Variants in ZNF625 observed in about 807,000 individuals in gnomAD.
ZNF625 encodes zinc finger protein 625.
Under a neutral mutation model 11.1 loss-of-function variants are expected in ZNF625, and 8 were observed. That is an observed-to-expected ratio of 0.72 (90% CI 0.42 to 1.30). The LOEUF (loss-of-function observed/expected upper bound fraction) is 1.30, where lower values mean the gene tolerates loss of function less well. Ranked by LOEUF, ZNF625 falls within the 50% of genes most tolerant of loss-of-function variation. The pLI, the probability that ZNF625 is intolerant of heterozygous loss-of-function variation, is 0.01. For missense variants in ZNF625, 349 were observed against 447.6 expected (o/e 0.78, Z 1.99); for synonymous variants, 145 against 153.4 (o/e 0.95, Z 0.41).
intron 1 of ZNF625, 95 bp from the exon 2 acceptor site, chr19:12,147,897 C>A (rs1327858884): frequency 2.8e-6 from 4 of 1,436,212 alleles, no homozygotes; most frequent in Non-Finnish European, 3.7e-6. Flanking sequence ...GTGCTATGGA[C>A]TCCAAACATT....
chr19:12,147,368 T>C, intron 3 of ZNF625, 27 bp downstream of exon 3: 1 of 1,475,692 alleles, frequency 6.8e-7, no homozygotes, highest in Non-Finnish European at 9.1e-7. Context: ...TAGAGAGACA[T>C]CACTTTCTCT....
intron 1 of ZNF625, among the ~76,000 whole-genome samples, chr19:12,148,136 C>T (rs996735239): frequency 2.0e-5 from 3 of 152,128 alleles, no homozygotes; most frequent in Non-Finnish European, 2.9e-5. Context: ...CCTGCCACCA[C>T]GCACAACTAA....
intron 1 of ZNF625, among the ~76,000 whole-genome samples, chr19:12,155,598 C>A (rs1370596742): frequency 6.6e-6 from 1 of 152,280 alleles, no homozygotes; most frequent in East Asian, 1.9e-4. Flanking sequence ...AACCAAACTG[C>A]CATCGAACCT....
chr19:12,150,277 A>G (rs1976936797), intron 1 of ZNF625, among the ~76,000 whole-genome samples: 1 of 152,120 alleles, frequency 6.6e-6, no homozygotes. Context: ...CAGAAATGTA[A>G]GGATTTGTTG....
chr19:12,147,723 A>C lies in ZNF625; in HGVS notation c.83T>G (p.Leu28Arg). The C allele has an allele frequency of 6.2e-7, 1 of 1,614,104 alleles. No individual in the cohort carries two copies. Among genetic ancestry groups the C allele is most frequent in the Non-Finnish European group, 8.5e-7 (1 of 1,180,016 alleles). Residue 28 changes from leucine to arginine, a missense_variant, in exon 2 of 4, where the codon CTC becomes CGC. Coordinates refer to ENST00000439556, the MANE Select transcript of ZNF625 (RefSeq NM_145233.4). The stretch of plus-strand genomic sequence containing the variant: ...GGTTTCCTGCATCACATCTCTGTAG[A>C]GATTCTTCTGGGAAGGATCCAGCAA... Reference protein sequence around the residue: ...WALLDPSQKNLYRDVMQETFR... With the variant: ...WALLDPSQKNRYRDVMQETFR...
chr19:12,145,790 T>C lies in ZNF625; in HGVS notation c.626A>G (p.His209Arg), dbSNP rs1259615573. ...ALMCLSLYLI[H>R]KRTHTGEKPY... The stretch of plus-strand genomic sequence containing the variant: ...TTTCTCTCCAGTGTGAGTTCGTTTG[T>C]GGATAAGATACAAACTGAGACACAT... Residue 209 changes from histidine (H) to arginine (R), a missense_variant, in exon 4 of 4, where the codon CAC becomes CGC. Coordinates refer to ENST00000439556, the MANE Select transcript of ZNF625 (RefSeq NM_145233.4). 6.2e-7 allele frequency: 1 copy of C among 1,614,248 alleles called. No homozygotes were observed. The highest frequency in any genetic ancestry group is 1.7e-5 in the Admixed American group (1 of 60,026).
At position 12,156,539 on chromosome 19, in the gene ZNF625, CG is replaced by C. The variant is rs1568392205; in HGVS notation, c.3+16del. ...GGCCCCTCCCCCGTCTCGGGACCCCCGGCCCCGCACACTCACCATTTCCCGG... is the reference window on the plus strand; with the variant it reads ...GGCCCCTCCCCCGTCTCGGGACCCCCGCCCCGCACACTCACCATTTCCCGG... On this transcript the variant is annotated intron_variant, in intron 1 of 3. Transcript: ENST00000439556. The C allele has an allele frequency of 7.0e-7, 1 of 1,427,102 alleles. No homozygotes were observed. The highest frequency in any genetic ancestry group is 1.6e-5 in the South Asian group (1 of 63,008). 88.4% of individuals were successfully genotyped at this position (1,427,102 alleles called of 1,614,324 possible). A position where few individuals can be genotyped will look rare whatever the true frequency, so the allele number is the denominator to read the frequency against.
intron 1 of ZNF625, among the ~76,000 whole-genome samples, chr19:12,152,270 C>A (rs1438889973): frequency 2.0e-5 from 3 of 151,916 alleles, no homozygotes; most frequent in African/African-American, 7.3e-5. Flanking sequence ...ACACTATATC[C>A]TGTACTAGAT....
rs199624451 is a variant in ZNF625, at chr19:12,146,059, G to A, written c.357C>T (p.Asp119=). Residue 119 remains aspartate (D), a synonymous_variant, in exon 4 of 4, where the codon GAC becomes GAT. Coordinates refer to ENST00000439556, the MANE Select transcript of ZNF625 (RefSeq NM_145233.4). Reference sequence around the variant, plus strand: ...GATACTCATATGGCTTGTGTCCAGTGTCAGCTCTGTGGTGCCTATTAAGGG... The same window carrying A: ...GATACTCATATGGCTTGTGTCCAGTATCAGCTCTGTGGTGCCTATTAAGGG... ...HASLNRHHRA[D]TGHKPYEYQE... 1.2e-6 allele frequency: 2 copies of A among 1,614,136 alleles called. No homozygotes were observed. The highest frequency in any genetic ancestry group is 1.7e-6 in the Non-Finnish European group (2 of 1,180,030).
At chr19:12,148,199 C>T (rs1352210234) in intron 1 of ZNF625, among the ~76,000 whole-genome samples, 1 of 152,112 alleles carries the variant, frequency 6.6e-6, no homozygotes, top group Non-Finnish European at 1.5e-5. Context: ...AGACTGGTCT[C>T]CAACTCCTGA....
chr19:12,147,925 A>G, intron 1 of ZNF625, 123 bp from the exon 2 acceptor site: 2 of 1,244,622 alleles, frequency 1.6e-6, no homozygotes, highest in Non-Finnish European at 1.1e-6. Context: ...TGATCTGGTC[A>G]TCAGACTTTT....
At chr19:12,149,279 G>T (rs960439663) in intron 1 of ZNF625, among the ~76,000 whole-genome samples, 3 of 102,720 alleles carry the variant, frequency 2.9e-5, no homozygotes, top group East Asian at 2.8e-4. Flanking sequence ...GCAAGACTCA[G>T]TCTCAAAAAA....
At position 12,146,169 on chromosome 19, in the gene ZNF625, T is replaced by C; in HGVS notation, c.247A>G (p.Ile83Val). ...ESKKDHQHGE[I>V]LTQVPDDMLK... ...ATGTCATCTGGAACCTGGGTCAAAA[T>C]TTCTCCATGCTGATGATCTTTCTTA... Residue 83 changes from isoleucine (I) to valine (V), a missense_variant, in exon 4 of 4, where the codon ATT becomes GTT. Ile to Val is a conservative substitution (Grantham distance 29). Coordinates refer to ENST00000439556, the MANE Select transcript of ZNF625 (RefSeq NM_145233.4). The C allele has an allele frequency of 6.2e-7, 1 of 1,614,182 alleles. No homozygotes were observed. Among genetic ancestry groups the C allele is most frequent in the Non-Finnish European group, 8.5e-7 (1 of 1,180,030 alleles).
intron 3 of ZNF625, among the ~76,000 whole-genome samples, chr19:12,147,179 G>A (rs1568388710): frequency 1.3e-5 from 2 of 152,056 alleles, no homozygotes; most frequent in Non-Finnish European, 2.9e-5. Context: ...ATGTTAGCCA[G>A]GATGGTTTCG....
In ZNF625 at chr19:12,145,187, T is replaced by C. The variant is rs1976849523; in HGVS notation, c.*110A>G. 8.4e-6 allele frequency: 11 copies of C among 1,307,556 alleles called. No individual in the cohort carries two copies. Among genetic ancestry groups the C allele is most frequent in the Non-Finnish European group, 1.2e-5 (11 of 953,540 alleles). The allele number at this position is 1,307,556 out of a possible 1,614,324, so 81.0% of individuals were successfully genotyped here. ...GCATTTATTTCTGAATGCTGTCAAA[T>C]GACAGTGACTGCAGAAGCTTCAGAA... On this transcript the variant is annotated 3_prime_UTR_variant, in exon 4 of 4. Coordinates refer to ENST00000439556, the MANE Select transcript of ZNF625 (RefSeq NM_145233.4).
intron 1 of ZNF625, among the ~76,000 whole-genome samples, chr19:12,149,265 C>T (rs1386463603): frequency 8.4e-6 from 1 of 119,006 alleles, no homozygotes; most frequent in Non-Finnish European, 1.6e-5. Context: ...AGCCTGGCGA[C>T]AGAGCAAGAC....
At position 12,146,175 on chromosome 19, in the gene ZNF625, C is replaced by T. The variant is rs1976869835; in HGVS notation, c.241G>A (p.Gly81Arg). 6.2e-7 allele frequency: 1 copy of T among 1,614,048 alleles called. No homozygotes were observed. The highest frequency in any genetic ancestry group is 1.7e-5 in the Admixed American group (1 of 59,996). The change falls in exon 4 of 4, where the codon GGA (glycine) becomes AGA (arginine). Residue 81 changes from glycine to arginine, a missense_variant. By Grantham distance (125) the Gly-to-Arg change is moderately radical. Coordinates refer to ENST00000439556, the MANE Select transcript of ZNF625 (RefSeq NM_145233.4). Reference protein sequence around the residue: ...LLESKKDHQHGEILTQVPDDM... With the variant: ...LLESKKDHQHREILTQVPDDM... Reference sequence around the variant, plus strand: ...TCTGGAACCTGGGTCAAAATTTCTCCATGCTGATGATCTTTCTTACTTTCT... The same window carrying T: ...TCTGGAACCTGGGTCAAAATTTCTCTATGCTGATGATCTTTCTTACTTTCT...
At chr19:12,151,174 G>T (rs1976948856) in intron 1 of ZNF625, among the ~76,000 whole-genome samples, 1 of 150,594 alleles carries the variant, frequency 6.6e-6, no homozygotes, top group South Asian at 2.1e-4. Flanking sequence ...AATCTGCTCA[G>T]CTGCTAAGAT....
intron 1 of ZNF625, among the ~76,000 whole-genome samples, chr19:12,150,427 G>A (rs555790983): frequency 5.0e-4 from 76 of 152,242 alleles, no homozygotes; most frequent in African/African-American, 1.4e-3. Context: ...CCCTCCAAAC[G>A]TGATACCCAA....
Sources: allele counts gnomAD v4.1 joint callset (sites outside exome capture counted in the v4.1 genomes callset), GRCh38; gene constraint gnomAD v4.1.1; transcripts MANE v1.5; gene names NCBI Gene and HGNC (gene_info 2026-07-23, HGNC 2026-07-21).